The following SLC8A1 variants were observed in gnomAD, a reference collection of about 807,000 sequenced individuals.
SLC8A1 encodes solute carrier family 8 member A1.
In SLC8A1, 18 loss-of-function variants were observed where a neutral mutation model predicts 68.3. That is an observed-to-expected ratio of 0.26 (90% confidence interval 0.18 to 0.39). SLC8A1 has a LOEUF of 0.39. Among genes scored for constraint, SLC8A1 ranks in the 10% least tolerant of loss-of-function variants. SLC8A1 has a pLI of 1.00. For missense variants in SLC8A1, 985 were observed against 1,156.7 expected (o/e 0.85, Z 2.15); for synonymous variants, 475 against 415.5 (o/e 1.14, Z -1.74).
At chr2:40,233,918 A>C (rs531533095) in intron 2 of SLC8A1, among the ~76,000 whole-genome samples, 4 of 151,280 alleles carry the variant, frequency 2.6e-5, no homozygotes, top group Non-Finnish European at 5.9e-5. Flanking sequence ...GATATGCGGC[A>C]TTATTTCTGA....
chr2:40,180,111 A>G (rs906269822), intron 2 of SLC8A1, among the ~76,000 whole-genome samples: 1 of 151,956 alleles, frequency 6.6e-6, no homozygotes, highest in Non-Finnish European at 1.5e-5. Context: ...TAAAGCCACA[A>G]TCATCTTTTA....
chr2:40,509,256 C>T (rs535087378), intron 1 of SLC8A1, among the ~76,000 whole-genome samples: 1 of 152,114 alleles, frequency 6.6e-6, no homozygotes, highest in African/African-American at 2.4e-5. Flanking sequence ...GAAACCTTCA[C>T]CTTCCAATGA....
At chr2:40,270,557 T>C (rs905088969) in intron 2 of SLC8A1, among the ~76,000 whole-genome samples, 2 of 152,250 alleles carry the variant, frequency 1.3e-5, no homozygotes, top group Non-Finnish European at 2.9e-5. Context: ...TCTCTCTGAC[T>C]GTCCTTCCAT....
intron 2 of SLC8A1, among the ~76,000 whole-genome samples, chr2:40,414,911 C>T (rs1693338808): frequency 6.6e-6 from 1 of 152,054 alleles, no homozygotes; most frequent in South Asian, 2.1e-4. Flanking sequence ...TAGGTATCAA[C>T]CAGAGAAAAC....
At chr2:40,472,216 G>T (rs1559754414) in intron 1 of SLC8A1, among the ~76,000 whole-genome samples, 1 of 152,156 alleles carries the variant, frequency 6.6e-6, no homozygotes, top group Admixed American at 6.6e-5. Flanking sequence ...AAAAAAACTT[G>T]AATTGGAAGA....
intron 2 of SLC8A1, among the ~76,000 whole-genome samples, chr2:40,317,440 A>G (rs902529157): frequency 6.6e-6 from 1 of 152,134 alleles, no homozygotes; most frequent in Admixed American, 6.6e-5. Flanking sequence ...AAGCACTGAT[A>G]AAAATAAAAA....
At chr2:40,410,094 T>C (rs914473174) in intron 2 of SLC8A1, among the ~76,000 whole-genome samples, 2 of 152,156 alleles carry the variant, frequency 1.3e-5, no homozygotes, top group Admixed American at 6.6e-5. Context: ...ATAAAAACTT[T>C]ATGTTTTAAC....
At chr2:40,460,483 A>G (rs990247327) in intron 1 of SLC8A1, among the ~76,000 whole-genome samples, 28 of 152,162 alleles carry the variant, frequency 1.8e-4, no homozygotes, top group African/African-American at 6.5e-4. Context: ...CAGAGCCATG[A>G]ACTAAGTTCT....
chr2:40,468,658 T>G (rs1025916205), intron 1 of SLC8A1, among the ~76,000 whole-genome samples: 1 of 152,174 alleles, frequency 6.6e-6, no homozygotes, highest in African/African-American at 2.4e-5. Context: ...TTCAAACATA[T>G]GCAAAGCAGA....
At chr2:40,297,033 A>AT (rs200231141) in intron 2 of SLC8A1, among the ~76,000 whole-genome samples, 1,854 of 150,452 alleles carry the variant, frequency 0.012, 39 homozygotes, top group African/African-American at 0.043. Context: ...ACTATAATTA[A>AT]TTTTTTTTTT....
intron 2 of SLC8A1, among the ~76,000 whole-genome samples, chr2:40,276,526 T>C (rs2066719292): frequency 6.6e-6 from 1 of 152,192 alleles, no homozygotes; most frequent in Non-Finnish European, 1.5e-5. Flanking sequence ...TATTCCTTCT[T>C]CATGGAAACT....
At chr2:40,373,782 G>C (rs908219620) in intron 2 of SLC8A1, among the ~76,000 whole-genome samples, 13 of 151,980 alleles carry the variant, frequency 8.6e-5, no homozygotes, top group African/African-American at 3.1e-4. Flanking sequence ...GGTGGCATGA[G>C]AGTACTGAAT....
chr2:40,458,108 G>A (rs1703131555), intron 1 of SLC8A1, among the ~76,000 whole-genome samples: 2 of 152,210 alleles, frequency 1.3e-5, no homozygotes, highest in Non-Finnish European at 2.9e-5. Flanking sequence ...CTGACCTAAG[G>A]TCAAATAGCT....
intron 3 of SLC8A1, among the ~76,000 whole-genome samples, chr2:40,176,531 C>T (rs1005960935): frequency 2.6e-5 from 4 of 152,118 alleles, no homozygotes; most frequent in African/African-American, 9.7e-5. Flanking sequence ...AAATAGGCTT[C>T]ATTAAAATAG....
intron 2 of SLC8A1, among the ~76,000 whole-genome samples, chr2:40,349,212 A>C (rs1477310730): frequency 6.6e-6 from 1 of 152,148 alleles, no homozygotes; most frequent in Admixed American, 6.6e-5. Flanking sequence ...TTTTCCATCA[A>C]ATATGTCAAG....
At chr2:40,499,149 G>A (rs1045061452) in intron 1 of SLC8A1, among the ~76,000 whole-genome samples, 2 of 151,880 alleles carry the variant, frequency 1.3e-5, no homozygotes, top group Non-Finnish European at 2.9e-5. Context: ...ATATATAATC[G>A]TAAGGACTGG....
At chr2:40,412,817 T>C (rs917743637) in intron 2 of SLC8A1, among the ~76,000 whole-genome samples, 2 of 152,212 alleles carry the variant, frequency 1.3e-5, no homozygotes, top group Non-Finnish European at 2.9e-5. Context: ...AAACTATTGA[T>C]GGATATTTTT....
At chr2:40,264,357 C>A (rs1325274827) in intron 2 of SLC8A1, among the ~76,000 whole-genome samples, 1 of 152,046 alleles carries the variant, frequency 6.6e-6, no homozygotes, top group African/African-American at 2.4e-5. Flanking sequence ...TGGGTATATA[C>A]CCAAAGGATT....
At chr2:40,400,425 G>T (rs1282528428) in intron 2 of SLC8A1, among the ~76,000 whole-genome samples, 1 of 152,134 alleles carries the variant, frequency 6.6e-6, no homozygotes, top group Non-Finnish European at 1.5e-5. Context: ...ATTCACAAAG[G>T]AACTAGAAGC....
Sources: gnomAD v4.1 joint callset for allele counts (sites outside exome capture counted in the v4.1 genomes callset) on GRCh38, gnomAD v4.1.1 for gene constraint, MANE v1.5 for transcripts, NCBI Gene and HGNC (gene_info 2026-07-23, HGNC 2026-07-21) for gene names.